Variants in TANGO6 observed in about 807,000 individuals in gnomAD.
TANGO6 encodes transport and Golgi organization protein 6 homolog.
TANGO6 carries 90 observed loss-of-function variants against 114.2 expected under a neutral mutation model. The observed-to-expected ratio is 0.79, with a 90% CI of 0.66 to 0.94. TANGO6 has a LOEUF of 0.94. TANGO6 is among the 40% of genes least tolerant of loss of function. The pLI, the probability that TANGO6 is intolerant of heterozygous loss-of-function variation, is 0.00. For synonymous variants in TANGO6, 477 were observed against 509.8 expected, an observed-to-expected ratio of 0.94 and a Z score of 0.87; for missense variants, 1,274 against 1,315.3, an observed-to-expected ratio of 0.97 and a Z score of 0.49.
At chr16:68,907,230 A>G (rs1224326315) in intron 9 of TANGO6, among the ~76,000 whole-genome samples, 2 of 151,224 alleles carry the variant, frequency 1.3e-5, no homozygotes, top group African/African-American at 4.9e-5. Flanking sequence ...TACAGGCGTG[A>G]GCCACCGCGC....
intron 17 of TANGO6, among the ~76,000 whole-genome samples, chr16:69,060,121 A>G (rs1960092520): frequency 6.6e-6 from 1 of 152,248 alleles, no homozygotes; most frequent in African/African-American, 2.4e-5. Flanking sequence ...ATGAGTTTGT[A>G]TTAATCCTGT....
intron 17 of TANGO6, among the ~76,000 whole-genome samples, chr16:69,076,563 A>G (rs540007393): frequency 2.0e-5 from 3 of 152,174 alleles, no homozygotes; most frequent in East Asian, 1.9e-4. Flanking sequence ...GTCGGGTTCC[A>G]TGGTCCTCTG....
At chr16:68,849,696 G>T (rs1204995546) in intron 1 of TANGO6, among the ~76,000 whole-genome samples, 2 of 151,994 alleles carry the variant, frequency 1.3e-5, no homozygotes, top group Non-Finnish European at 2.9e-5. Flanking sequence ...AATTGTCATT[G>T]CTTTCAGACT....
chr16:68,985,724 T>G (rs1054004260), intron 15 of TANGO6, among the ~76,000 whole-genome samples: 4 of 152,136 alleles, frequency 2.6e-5, no homozygotes, highest in African/African-American at 9.7e-5. Flanking sequence ...AAAAACACAT[T>G]TTTTAAATTT....
intron 5 of TANGO6, among the ~76,000 whole-genome samples, chr16:68,876,404 G>T (rs1286942536): frequency 1.3e-5 from 2 of 151,944 alleles, no homozygotes; most frequent in Non-Finnish European, 2.9e-5. Flanking sequence ...CAGGTGATCC[G>T]CCTGCCTCGG....
At chr16:69,017,925 C>CA (rs1475550269) in intron 15 of TANGO6, among the ~76,000 whole-genome samples, 9 of 141,414 alleles carry the variant, frequency 6.4e-5, no homozygotes, top group African/African-American at 2.4e-4. Context: ...TTTTGAGAGA[C>CA]AGAGTCTCAC....
chr16:69,036,131 C>G (rs1284049917), intron 16 of TANGO6: 1 of 151,394 alleles, frequency 6.6e-6, no homozygotes, highest in African/African-American at 2.4e-5. Flanking sequence ...ATCTATCTAT[C>G]TCACCAAGGC....
chr16:68,972,463 G>A (rs1247550291), intron 14 of TANGO6, among the ~76,000 whole-genome samples: 1 of 152,168 alleles, frequency 6.6e-6, no homozygotes, highest in Non-Finnish European at 1.5e-5. Flanking sequence ...TGAAAAATAA[G>A]TATAGATTTC....
At chr16:68,961,579 A>G (rs929651750) in intron 14 of TANGO6, among the ~76,000 whole-genome samples, 1 of 152,218 alleles carries the variant, frequency 6.6e-6, no homozygotes, top group African/African-American at 2.4e-5. Flanking sequence ...ATAATATTTC[A>G]TCATCCAAAT....
intron 17 of TANGO6, among the ~76,000 whole-genome samples, chr16:69,042,005 T>C (rs1402140163): frequency 1.3e-5 from 2 of 152,180 alleles, no homozygotes; most frequent in Non-Finnish European, 2.9e-5. Context: ...CTAGGTGCTT[T>C]TTGTTTCTTA....
rs751352010 is a variant in TANGO6, at chr16:68,867,073, T to C, written c.853-6T>C. 20 of 1,608,948 alleles carry C rather than the reference T, an allele frequency of 1.2e-5. No homozygotes were observed. Among genetic ancestry groups the C allele is most frequent in the Admixed American group, 3.4e-5 (2 of 59,060 alleles). Reference sequence around the variant, plus strand: ...TTCAGAATTCACACCTTCTTCTTTTTCTCAGTCCTGCACAGATGTGAAGAC... The same window carrying C: ...TTCAGAATTCACACCTTCTTCTTTTCCTCAGTCCTGCACAGATGTGAAGAC... On this transcript the variant is annotated splice_polypyrimidine_tract_variant and splice_region_variant and intron_variant, in intron 3 of 17. Transcript: ENST00000261778.
chr16:69,067,595 G>C (rs991380471), intron 17 of TANGO6, among the ~76,000 whole-genome samples: 1 of 151,170 alleles, frequency 6.6e-6, no homozygotes, highest in African/African-American at 2.4e-5. Flanking sequence ...CAAGGCGGGC[G>C]GATCATGAGG....
intron 15 of TANGO6, among the ~76,000 whole-genome samples, chr16:68,977,642 G>T (rs770074266): frequency 7.3e-5 from 11 of 151,042 alleles, no homozygotes; most frequent in Non-Finnish European, 1.3e-4. Context: ...GGCAGAGGTT[G>T]CAGTGAGCTG....
chr16:68,874,113 A>G (rs1962320531), intron 4 of TANGO6, among the ~76,000 whole-genome samples: 1 of 152,068 alleles, frequency 6.6e-6, no homozygotes, highest in Admixed American at 6.6e-5. Context: ...TTTTCCTCAC[A>G]CATACGTGTA....
intron 16 of TANGO6, among the ~76,000 whole-genome samples, chr16:69,025,225 T>G (rs1385198170): frequency 6.6e-6 from 1 of 152,224 alleles, no homozygotes. Flanking sequence ...CAAGCTCTTA[T>G]ACCGCACCCA....
intron 14 of TANGO6, among the ~76,000 whole-genome samples, chr16:68,932,675 G>A (rs951826215): frequency 5.3e-5 from 8 of 151,800 alleles, no homozygotes; most frequent in African/African-American, 9.7e-5. Flanking sequence ...CTGTAATCCC[G>A]GCTACTTGGG....
At chr16:68,902,197 G>A in intron 8 of TANGO6, 131 bp from the exon 9 acceptor site, 1 of 714,038 alleles carries the variant, frequency 1.4e-6, no homozygotes. Context: ...CTGCATTTCA[G>A]TAGTACTAGG....
intron 10 of TANGO6, among the ~76,000 whole-genome samples, chr16:68,908,422 C>G (rs1444335885): frequency 6.6e-6 from 1 of 152,154 alleles, no homozygotes; most frequent in African/African-American, 2.4e-5. Flanking sequence ...CGCCTGTAAT[C>G]CCAGCACTTT....
Position 68,907,424 on chromosome 16 carries a change from A to T in TANGO6, c.1668-19A>T, listed in dbSNP as rs2152185113. On this transcript the variant is annotated intron_variant, in intron 9 of 17. Transcript: ENST00000261778. ...ATCTCTGGTGACACTACCAAGATAA[A>T]TTTTACCCTGCATTGCAGTGATGAA... 2 of 1,561,606 alleles carry T rather than the reference A, an allele frequency of 1.3e-6. No individual in the cohort carries two copies. The highest frequency in any genetic ancestry group is 2.1e-5 in the Admixed American group (1 of 47,024).
Sources: gnomAD v4.1 joint callset for allele counts (sites outside exome capture counted in the v4.1 genomes callset) on GRCh38, gnomAD v4.1.1 for gene constraint, MANE v1.5 for transcripts, NCBI Gene and HGNC (gene_info 2026-07-23, HGNC 2026-07-21) for gene names.